ATP11A: variants seen among roughly 807,000 people sequenced by gnomAD.
ATP11A encodes ATPase phospholipid transporting 11A, also known as phospholipid-transporting ATPase IH.
Under a neutral mutation model 154.4 loss-of-function variants are expected in ATP11A, and 81 were observed. The ratio of observed to expected loss-of-function variants is 0.52; its 90% CI spans 0.44 to 0.63. The LOEUF is 0.63. Among genes scored for constraint, ATP11A ranks in the 30% least tolerant of loss-of-function variants. The pLI, the probability that ATP11A is intolerant of heterozygous loss-of-function variation, is 0.00. For missense variants in ATP11A, 1,316 were observed against 1,474.3 expected, an observed-to-expected ratio of 0.89 and a Z score of 1.76; for synonymous variants, 623 against 585.9, an observed-to-expected ratio of 1.06 and a Z score of -0.91.
chr13:112,861,867 T>C (rs1316179492), intron 24 of ATP11A, among the ~76,000 whole-genome samples: 1 of 151,294 alleles, frequency 6.6e-6, no homozygotes, highest in East Asian at 1.9e-4. Flanking sequence ...TGAACAGGCA[T>C]CTTTAATAAA....
intron 1 of ATP11A, among the ~76,000 whole-genome samples, chr13:112,728,658 T>G (rs558320072): frequency 7.3e-5 from 11 of 151,118 alleles, no homozygotes; most frequent in African/African-American, 2.7e-4. Context: ...GCTTTGTCAG[T>G]ATCCACGCGT....
At chr13:112,715,051 C>A (rs1218807526) in intron 1 of ATP11A, among the ~76,000 whole-genome samples, 1 of 152,210 alleles carries the variant, frequency 6.6e-6, no homozygotes, top group Admixed American at 6.5e-5. Flanking sequence ...CAGCTCATTT[C>A]ACTCAGCACA....
intron 1 of ATP11A, among the ~76,000 whole-genome samples, chr13:112,698,139 C>T (rs763240855): frequency 1.3e-5 from 2 of 152,172 alleles, no homozygotes; most frequent in Non-Finnish European, 2.9e-5. Flanking sequence ...ACACAGAGGA[C>T]GGCACATACA....
At chr13:112,741,723 G>T (rs563607225) in intron 1 of ATP11A, among the ~76,000 whole-genome samples, 3 of 152,160 alleles carry the variant, frequency 2.0e-5, no homozygotes, top group African/African-American at 7.2e-5. Flanking sequence ...AGTGGATGCC[G>T]GCTGTTTTTG....
intron 1 of ATP11A, among the ~76,000 whole-genome samples, chr13:112,771,692 G>A (rs898432159): frequency 6.6e-6 from 1 of 152,204 alleles, no homozygotes; most frequent in African/African-American, 2.4e-5. Flanking sequence ...CAAAAGCCGG[G>A]AACTGCTGGT....
chr13:112,883,145 C>T lies in ATP11A; in HGVS notation c.*1279C>T. On this transcript the variant is annotated 3_prime_UTR_variant, in exon 30 of 30. Transcript: ENST00000375645. ...CTCCTCATCCCCACGTCCTCTCGTCCCCTTGTCCCGTCCCCACATACCCTC... is the reference window on the plus strand; with the variant it reads ...CTCCTCATCCCCACGTCCTCTCGTCTCCTTGTCCCGTCCCCACATACCCTC... 1 of 394,446 alleles carries T rather than the reference C, an allele frequency of 2.5e-6. No individual in the cohort carries two copies. 24.4% of individuals were successfully genotyped at this position (394,446 alleles called of 1,614,324 possible).
At chr13:112,834,803 A>T in intron 15 of ATP11A, 143 bp downstream of exon 15, 1 of 647,398 alleles carries the variant, frequency 1.5e-6, no homozygotes, top group East Asian at 2.8e-5. Flanking sequence ...CACCCCAGGA[A>T]TGTCACCAGA....
intron 1 of ATP11A, among the ~76,000 whole-genome samples, chr13:112,784,518 G>A (rs954379895): frequency 6.7e-6 from 1 of 149,390 alleles, no homozygotes; most frequent in Non-Finnish European, 1.5e-5. Flanking sequence ...TTGGCCACAC[G>A]TTCTGTTCTT....
intron 27 of ATP11A, among the ~76,000 whole-genome samples, chr13:112,874,222 C>T (rs528432693): frequency 4.6e-5 from 7 of 152,274 alleles, no homozygotes; most frequent in Middle Eastern, 3.4e-3. Context: ...GCAGCAGGCA[C>T]GCAGGCCCGG....
chr13:112,800,073 T>G (rs1594739283), intron 2 of ATP11A, among the ~76,000 whole-genome samples: 1 of 152,026 alleles, frequency 6.6e-6, no homozygotes, highest in African/African-American at 2.4e-5. Flanking sequence ...CTACATAGAT[T>G]AGAAAAGAAG....
intron 1 of ATP11A, among the ~76,000 whole-genome samples, chr13:112,778,336 C>T (rs2077397345): frequency 6.6e-6 from 1 of 152,244 alleles, no homozygotes; most frequent in Non-Finnish European, 1.5e-5. Context: ...CGGCACACTC[C>T]AGCTCCCATG....
chr13:112,872,809 G>T (rs1267480839), intron 26 of ATP11A, among the ~76,000 whole-genome samples: 2 of 152,248 alleles, frequency 1.3e-5, no homozygotes, highest in African/African-American at 4.8e-5. Context: ...ACACTGTGAG[G>T]TGTGGCTTTG....
intron 1 of ATP11A, among the ~76,000 whole-genome samples, chr13:112,744,278 G>T (rs1396813137): frequency 1.3e-5 from 2 of 151,766 alleles, no homozygotes; most frequent in East Asian, 3.9e-4. Context: ...ACCCGGCTTG[G>T]GACGGTCTGG....
At chr13:112,854,151 T>G in intron 18 of ATP11A, 128 bp from the exon 19 acceptor site, 1 of 1,233,296 alleles carries the variant, frequency 8.1e-7, no homozygotes, top group Non-Finnish European at 1.1e-6. Context: ...TGAGCCACAG[T>G]GTGGAGTGTT....
At position 112,856,074 on chromosome 13, in the gene ATP11A, C is replaced by T; in HGVS notation, c.2407C>T (p.Gln803Ter). ...GCTCTGCTGCCGCATGGCGCCCTTG[C>T]AGAAGGCTCAGGTGCTGCCCGCCCG... ...AVLCCRMAPL[Q>*]KAQIVKLIKF... The change falls in exon 20 of 30, where the codon CAG becomes TAG. Residue 803 changes from glutamine to a stop codon, truncating the protein, a stop_gained. Transcript: ENST00000375645. LOFTEE classifies it high-confidence loss of function. The T allele has an allele frequency of 6.2e-7, 1 of 1,612,532 alleles. No homozygotes were observed. The highest frequency in any genetic ancestry group is 8.5e-7 in the Non-Finnish European group (1 of 1,179,504).
chr13:112,853,968 G>A (rs2079848747), intron 18 of ATP11A, among the ~76,000 whole-genome samples: 1 of 152,166 alleles, frequency 6.6e-6, no homozygotes, highest in Non-Finnish European at 1.5e-5. Flanking sequence ...CCCAGGTAGT[G>A]AGTCCCACCT....
intron 19 of ATP11A, 102 bp from the exon 20 acceptor site, chr13:112,855,809 C>T: frequency 1.8e-6 from 2 of 1,083,676 alleles, no homozygotes; most frequent in East Asian, 2.5e-5. Context: ...TTTCTTAATC[C>T]CATGGATTTG....
At position 112,882,131 on chromosome 13, in the gene ATP11A, G is replaced by A; in HGVS notation, c.*265G>A. The stretch of plus-strand genomic sequence containing the variant: ...CCTGGCCCCCAGCAGGCAAGGAGGG[G>A]GGTCACAGGCCTTGCCCTCGAGCAT... On this transcript the variant is annotated 3_prime_UTR_variant, in exon 30 of 30. Transcript: ENST00000375645. This position sits in a 1 kb window ranked among gnomAD's most constrained non-coding sequence, Gnocchi z 5.1. The A allele has an allele frequency of 7.5e-7, 1 of 1,329,730 alleles. No homozygotes were observed. The highest frequency in any genetic ancestry group is 1.0e-6 in the Non-Finnish European group (1 of 1,003,832). The allele number at this position is 1,329,730 out of a possible 1,614,324, so 82.4% of individuals were successfully genotyped here.
At chr13:112,787,845 G>C (rs959472219) in intron 2 of ATP11A, among the ~76,000 whole-genome samples, 1 of 145,828 alleles carries the variant, frequency 6.9e-6, no homozygotes, top group African/African-American at 2.6e-5. Flanking sequence ...ATTCACACCG[G>C]TGTCCTGATG....
Sources: allele counts gnomAD v4.1 joint callset (sites outside exome capture counted in the v4.1 genomes callset), GRCh38; gene constraint gnomAD v4.1.1; non-coding constraint Gnocchi (gnomAD v3.1); transcripts MANE v1.5; gene names NCBI Gene and HGNC (gene_info 2026-07-23, HGNC 2026-07-21).